RNF169: variants seen among roughly 807,000 people sequenced by gnomAD.
RNF169 encodes ring finger protein 169.
In RNF169, 24 loss-of-function variants were observed where a neutral mutation model predicts 53.9. The observed-to-expected ratio is 0.45, with a 90% CI of 0.32 to 0.63. The LOEUF is 0.63. Among genes scored for constraint, RNF169 ranks in the 20% least tolerant of loss-of-function variants. The probability of loss-of-function intolerance (pLI) is 0.04; values close to 1 mark genes in which losing one functional copy is unlikely to be tolerated. For missense variants in RNF169, 883 were observed against 906.2 expected, an observed-to-expected ratio of 0.97 and a Z score of 0.33; for synonymous variants, 396 against 363.5, an observed-to-expected ratio of 1.09 and a Z score of -1.02.
At chr11:74,816,898 G>A (rs997748313) in intron 3 of RNF169, among the ~76,000 whole-genome samples, 5 of 152,190 alleles carry the variant, frequency 3.3e-5, no homozygotes, top group African/African-American at 1.2e-4. Context: ...TTAAGCAGGG[G>A]AGTGATTGCT....
chr11:74,832,261 G>A (rs1033244386), intron 4 of RNF169: 1 of 151,564 alleles, frequency 6.6e-6, no homozygotes, highest in Admixed American at 6.6e-5. Context: ...CTACACTGAA[G>A]TTTAGCAAAA....
rs766527055 is a variant in RNF169, at chr11:74,776,511, C to CAAAA, written c.503-13095_503-13092dup. ...CATGAATCTCATTGGTTCATTCAGC[C>CAAAA]AAAAAAAAAAAAAAAAAAAAAAATT... On this transcript the variant is annotated intron_variant, in intron 1 of 5. Coordinates refer to ENST00000299563, the MANE Select transcript of RNF169 (RefSeq NM_001098638.2). 3.9e-3 allele frequency among the ~76,000 whole-genome samples: 323 copies of CAAAA among 81,952 alleles called. 3 individuals are homozygous for CAAAA. Among genetic ancestry groups the CAAAA allele is most frequent in the African/African-American group, 0.013 (291 of 21,644 alleles). The allele number at this position is 81,952 out of a possible 152,430, so 53.8% of individuals were successfully genotyped here.
At chr11:74,791,204 C>T (rs1591407770) in intron 2 of RNF169, among the ~76,000 whole-genome samples, 1 of 152,308 alleles carries the variant, frequency 6.6e-6, no homozygotes, top group East Asian at 1.9e-4. Flanking sequence ...GGCAGGTCAT[C>T]CCCATGTCTG....
At chr11:74,785,245 T>G (rs1195631576) in intron 1 of RNF169, among the ~76,000 whole-genome samples, 19 of 84,708 alleles carry the variant, frequency 2.2e-4, no homozygotes, top group Admixed American at 6.1e-4. Context: ...ATATATGTTA[T>G]ATATGTTAGA....
intron 2 of RNF169, among the ~76,000 whole-genome samples, chr11:74,799,053 C>CA (rs1375240350): frequency 9.1e-6 from 1 of 110,106 alleles, no homozygotes; most frequent in Non-Finnish European, 1.8e-5. Flanking sequence ...GACCCCGTCT[C>CA]AAAAAAAGAA....
intron 1 of RNF169, among the ~76,000 whole-genome samples, chr11:74,783,480 A>G (rs1565176015): frequency 2.0e-5 from 3 of 152,196 alleles, no homozygotes; most frequent in African/African-American, 7.2e-5. Flanking sequence ...CATTAGATTC[A>G]TTTATGAATG....
chr11:74,765,738 G>T (rs1184298791), intron 1 of RNF169, among the ~76,000 whole-genome samples: 1 of 151,398 alleles, frequency 6.6e-6, no homozygotes, highest in Non-Finnish European at 1.5e-5. Context: ...GGATGTGGAG[G>T]TTACAGTGAG....
intron 2 of RNF169, among the ~76,000 whole-genome samples, chr11:74,804,988 A>G (rs774478660): frequency 3.3e-5 from 5 of 152,246 alleles, no homozygotes; most frequent in East Asian, 1.9e-4. Context: ...CTGTTGTTCT[A>G]TAAATTTAAA....
intron 1 of RNF169, among the ~76,000 whole-genome samples, chr11:74,766,142 T>C (rs1675543364): frequency 6.6e-6 from 1 of 152,024 alleles, no homozygotes. Context: ...ATTTGAAAAA[T>C]TGGATAAAAT....
Position 74,748,965 on chromosome 11 carries a change from G to A in RNF169, c.85G>A (p.Asp29Asn). 6.8e-7 allele frequency: 1 copy of A among 1,479,328 alleles called. No individual in the cohort carries two copies. The highest frequency in any genetic ancestry group is 2.9e-5 in the East Asian group (1 of 34,876). 91.6% of individuals were successfully genotyped at this position (1,479,328 alleles called of 1,614,324 possible). A position where few individuals can be genotyped will look rare whatever the true frequency, so the allele number is the denominator to read the frequency against. ...TCGGCGGGGCCGGCGGGGCCGCTGT[G>A]ACGAGACGGCGGCAGCTAAGACTGG... ...LSRRGRRGRC[D>N]ETAAAKTGAP... The change falls in exon 1 of 6, where the codon GAC becomes AAC. Residue 29 changes from aspartate (D) to asparagine (N), a missense_variant. Physicochemically the swap from Asp to Asn is conservative, Grantham distance 23. Transcript: ENST00000299563.
In RNF169 at chr11:74,839,711, G is replaced by A. The variant is rs1296649516; in HGVS notation, c.*2981G>A. On this transcript the variant is annotated 3_prime_UTR_variant, in exon 6 of 6. Transcript: ENST00000299563. ...CCAGGAAATGTGGTGCCCTTAGAAGGGGGCTGTCAGCTCTTTTCCATAGAG... is the reference window on the plus strand; with the variant it reads ...CCAGGAAATGTGGTGCCCTTAGAAGAGGGCTGTCAGCTCTTTTCCATAGAG... The A allele has an allele frequency of 6.6e-6, 1 of 152,118 alleles. No homozygotes were observed. The highest frequency in any genetic ancestry group is 2.4e-5 in the African/African-American group (1 of 41,396). 9.4% of individuals were successfully genotyped at this position (152,118 alleles called of 1,614,324 possible).
At chr11:74,771,853 G>A (rs2035265365) in intron 1 of RNF169, among the ~76,000 whole-genome samples, 1 of 152,200 alleles carries the variant, frequency 6.6e-6, no homozygotes, top group South Asian at 2.1e-4. Context: ...AGGGGTTCGA[G>A]ACCAGCTTGG....
chr11:74,826,919 T>C (rs1297232442), intron 4 of RNF169, among the ~76,000 whole-genome samples: 2 of 152,146 alleles, frequency 1.3e-5, no homozygotes, highest in Admixed American at 6.5e-5. Flanking sequence ...CAGGCTGGCA[T>C]TGAGTGTCTA....
At chr11:74,778,672 G>C (rs185187259) in intron 1 of RNF169, among the ~76,000 whole-genome samples, 1 of 152,184 alleles carries the variant, frequency 6.6e-6, no homozygotes, top group Non-Finnish European at 1.5e-5. Context: ...AATTTCTATA[G>C]TATTTTTACG....
chr11:74,830,480 G>A (rs896252633), intron 4 of RNF169: 8 of 151,884 alleles, frequency 5.3e-5, no homozygotes, highest in South Asian at 2.1e-4. Context: ...CTAGAAACTC[G>A]TAAAGTACCT....
At chr11:74,752,528 C>T (rs1219842824) in intron 1 of RNF169, among the ~76,000 whole-genome samples, 5 of 149,752 alleles carry the variant, frequency 3.3e-5, no homozygotes, top group African/African-American at 7.4e-5. Flanking sequence ...ACCTGGGAGG[C>T]GTAGGCTGCA....
At chr11:74,820,834 G>T (rs2035999872) in intron 4 of RNF169, among the ~76,000 whole-genome samples, 1 of 152,190 alleles carries the variant, frequency 6.6e-6, no homozygotes, top group South Asian at 2.1e-4. Context: ...GAAAGGCCTG[G>T]AAGTTTGGTG....
intron 1 of RNF169, among the ~76,000 whole-genome samples, chr11:74,769,140 T>C (rs2035220536): frequency 6.6e-6 from 1 of 152,144 alleles, no homozygotes; most frequent in Admixed American, 6.5e-5. Context: ...GACAAAAGAT[T>C]GATATCCAAC....
intron 2 of RNF169, among the ~76,000 whole-genome samples, chr11:74,807,423 C>T (rs2035821382): frequency 6.6e-6 from 1 of 152,120 alleles, no homozygotes; most frequent in African/African-American, 2.4e-5. Flanking sequence ...TTATGCTGCT[C>T]TGTCCTTCTA....
Sources: gnomAD v4.1 joint callset for allele counts (sites outside exome capture counted in the v4.1 genomes callset) on GRCh38, gnomAD v4.1.1 for gene constraint, MANE v1.5 for transcripts, NCBI Gene and HGNC (gene_info 2026-07-23, HGNC 2026-07-21) for gene names.